TAFA4: variants seen among roughly 807,000 people sequenced by gnomAD.
TAFA4 encodes chemokine-like protein TAFA-4.
Under a neutral mutation model 21.1 loss-of-function variants are expected in TAFA4, and 20 were observed. The ratio of observed to expected loss-of-function variants is 0.95; its 90% CI spans 0.67 to 1.38. The LOEUF is 1.38. TAFA4 is among the 40% of genes most tolerant of loss of function. TAFA4 has a pLI of 0.00. For missense variants in TAFA4, 211 were observed against 180.9 expected (o/e 1.17, Z -0.95); for synonymous variants, 71 against 67.4 (o/e 1.05, Z -0.26).
At chr3:68,906,206 C>T (rs1451370145) in intron 1 of TAFA4, among the ~76,000 whole-genome samples, 1 of 152,164 alleles carries the variant, frequency 6.6e-6, no homozygotes, top group Non-Finnish European at 1.5e-5. Flanking sequence ...CTGGCACTGC[C>T]TCTCTGTCTC....
chr3:68,812,174 G>A (rs11922258), intron 3 of TAFA4, among the ~76,000 whole-genome samples: 12,838 of 152,082 alleles, frequency 0.084, 650 homozygotes, highest in African/African-American at 0.13. Context: ...CCTGAAAGAA[G>A]CACTAAACAT....
chr3:68,873,337 TACACACACAC>T (rs34998311), intron 3 of TAFA4, among the ~76,000 whole-genome samples: 1,391 of 133,504 alleles, frequency 0.01, 25 homozygotes, highest in African/African-American at 0.036. Context: ...CACGCAGACA[TACACACACAC>T]ACACACACAC....
chr3:68,845,431 C>T (rs1175053187), intron 3 of TAFA4, among the ~76,000 whole-genome samples: 3 of 152,010 alleles, frequency 2.0e-5, no homozygotes, highest in African/African-American at 7.3e-5. Flanking sequence ...TGAGATGGGT[C>T]TCCTGAATAC....
intron 1 of TAFA4, among the ~76,000 whole-genome samples, chr3:68,928,851 T>A (rs1443016032): frequency 3.9e-5 from 6 of 152,150 alleles, no homozygotes; most frequent in Non-Finnish European, 7.4e-5. Flanking sequence ...CCAGGTTTTT[T>A]AAATAACATA....
intron 3 of TAFA4, among the ~76,000 whole-genome samples, chr3:68,771,198 CT>C (rs1221261644): frequency 3.9e-5 from 6 of 152,190 alleles, no homozygotes; most frequent in African/African-American, 1.4e-4. Context: ...CACGTGTGAC[CT>C]GATTTTTCTG....
intron 3 of TAFA4, among the ~76,000 whole-genome samples, chr3:68,803,690 A>G (rs766892465): frequency 1.8e-4 from 21 of 117,220 alleles, no homozygotes; most frequent in South Asian, 7.5e-4. Context: ...AGTAAGTGGG[A>G]AAAAAAAAAA....
chr3:68,807,734 G>A (rs1165166764), intron 3 of TAFA4, among the ~76,000 whole-genome samples: 1 of 152,134 alleles, frequency 6.6e-6, no homozygotes, highest in East Asian at 1.9e-4. Flanking sequence ...TTTGTTCAGA[G>A]CTTTATCAAG....
intron 3 of TAFA4, among the ~76,000 whole-genome samples, chr3:68,795,468 G>T (rs1703438427): frequency 6.6e-6 from 1 of 152,042 alleles, no homozygotes; most frequent in Non-Finnish European, 1.5e-5. Context: ...CACAACCACT[G>T]ATTTAGTCAC....
chr3:68,876,681 A>G (rs11719024), intron 3 of TAFA4, among the ~76,000 whole-genome samples: 45,088 of 152,112 alleles, frequency 0.3, 7,983 homozygotes, highest in Middle Eastern at 0.41. Flanking sequence ...TAAAAATAAC[A>G]TAAACCACCA....
rs34471537 is a variant in TAFA4 at position 68,826,572 on chromosome 3, CAA to C, written c.130+54156_130+54157del. On this transcript the variant is annotated intron_variant, in intron 3 of 5. Coordinates refer to ENST00000295569, the MANE Select transcript of TAFA4 (RefSeq NM_182522.5). The stretch of plus-strand genomic sequence containing the variant: ...TGGGCAACAGAGCGAGACTCTGCCT[CAA>C]AAAAAAAAAAAAAAAAGGTTAACTC... 7.4e-3 allele frequency among the ~76,000 whole-genome samples: 752 copies of C among 101,670 alleles called. 4 individuals carry two copies. The highest frequency in any genetic ancestry group is 0.018 in the African/African-American group (482 of 26,226). 66.7% of individuals were successfully genotyped at this position (101,670 alleles called of 152,430 possible). A position where few individuals can be genotyped will look rare whatever the true frequency, so the allele number is the denominator to read the frequency against.
chr3:68,767,025 G>C (rs1702867093), intron 3 of TAFA4, among the ~76,000 whole-genome samples: 1 of 152,064 alleles, frequency 6.6e-6, no homozygotes, highest in Non-Finnish European at 1.5e-5. Flanking sequence ...AAATATATCA[G>C]ATCCTGCCTA....
At chr3:68,905,438 G>A (rs564168145) in intron 1 of TAFA4, among the ~76,000 whole-genome samples, 1 of 152,184 alleles carries the variant, frequency 6.6e-6, no homozygotes, top group South Asian at 2.1e-4. Flanking sequence ...AAAGTATTTG[G>A]ATTACAGGTG....
At chr3:68,918,752 A>G (rs1214814724) in intron 1 of TAFA4, among the ~76,000 whole-genome samples, 2 of 152,044 alleles carry the variant, frequency 1.3e-5, no homozygotes, top group Non-Finnish European at 2.9e-5. Context: ...TGTTGCCCAG[A>G]TTGGTCTCGA....
At chr3:68,814,697 A>G (rs1203981932) in intron 3 of TAFA4, among the ~76,000 whole-genome samples, 1 of 152,194 alleles carries the variant, frequency 6.6e-6, no homozygotes, top group Non-Finnish European at 1.5e-5. Context: ...TTCCATGCTC[A>G]TGGGTAGGAA....
intron 3 of TAFA4, among the ~76,000 whole-genome samples, chr3:68,844,682 G>A (rs916827353): frequency 2.0e-5 from 3 of 152,116 alleles, no homozygotes; most frequent in Admixed American, 1.3e-4. Context: ...TCTGAACATC[G>A]CTTTAGCTGT....
chr3:68,873,142 T>C (rs1005750804), intron 3 of TAFA4, among the ~76,000 whole-genome samples: 1 of 152,082 alleles, frequency 6.6e-6, no homozygotes, highest in Non-Finnish European at 1.5e-5. Flanking sequence ...ATCCAGGTTC[T>C]GATGTGTCAC....
intron 3 of TAFA4, among the ~76,000 whole-genome samples, chr3:68,783,639 T>G (rs1011682090): frequency 5.0e-5 from 6 of 119,974 alleles, no homozygotes; most frequent in African/African-American, 1.9e-4. Context: ...GTTTGCAAGA[T>G]AAACTTCAAA....
chr3:68,903,158 T>G (rs2089860719), intron 1 of TAFA4, among the ~76,000 whole-genome samples: 1 of 152,140 alleles, frequency 6.6e-6, no homozygotes, highest in South Asian at 2.1e-4. Flanking sequence ...CATCTCTTGG[T>G]AGTCAGAAGC....
At chr3:68,757,299 T>C (rs12632377) in intron 3 of TAFA4, among the ~76,000 whole-genome samples, 9,359 of 152,056 alleles carry the variant, frequency 0.062, 651 homozygotes, top group East Asian at 0.26. Flanking sequence ...TATAAGGACA[T>C]CAGTCCTGTC....
Sources: allele counts gnomAD v4.1 joint callset (sites outside exome capture counted in the v4.1 genomes callset), GRCh38; gene constraint gnomAD v4.1.1; transcripts MANE v1.5; gene names NCBI Gene and HGNC (gene_info 2026-07-23, HGNC 2026-07-21).